Variants in CCDC171 observed in about 807,000 individuals in gnomAD.
The protein encoded by CCDC171 is coiled-coil domain containing 171.
Under a neutral mutation model 168.2 loss-of-function variants are expected in CCDC171, and 177 were observed. That is an observed-to-expected ratio of 1.05 (90% CI 0.93 to 1.19). The LOEUF is 1.19. Ranked by LOEUF, CCDC171 falls within the 50% of genes most tolerant of loss-of-function variation. CCDC171 has a pLI of 0.00. For synonymous variants in CCDC171, 687 were observed against 540.8 expected (o/e 1.27, Z -3.75); for missense variants, 1,991 against 1,539.0 (o/e 1.29, Z -4.91).
At chr9:16,033,713 C>G (rs1162665624) in intron 6 of CCDC171, among the ~76,000 whole-genome samples, 1 of 138,774 alleles carries the variant, frequency 7.2e-6, no homozygotes, top group Non-Finnish European at 1.6e-5. Flanking sequence ...TGTGGAAAAA[C>G]TGTCTTACAC....
At chr9:15,780,730 A>T (rs960470678) in intron 20 of CCDC171, among the ~76,000 whole-genome samples, 1 of 152,200 alleles carries the variant, frequency 6.6e-6, no homozygotes, top group Non-Finnish European at 1.5e-5. Flanking sequence ...ATATGTATAC[A>T]TGTATGCACT....
intron 18 of CCDC171, among the ~76,000 whole-genome samples, chr9:15,757,578 G>T (rs1350086647): frequency 6.6e-6 from 1 of 152,212 alleles, no homozygotes; most frequent in Non-Finnish European, 1.5e-5. Context: ...AAATTCAAGT[G>T]GGCTGCGGAA....
chr9:15,830,524 A>G (rs1039087031), intron 21 of CCDC171, among the ~76,000 whole-genome samples: 2 of 152,218 alleles, frequency 1.3e-5, no homozygotes, highest in Non-Finnish European at 2.9e-5. Context: ...TAATGATAGT[A>G]AAGTCCCTAA....
At chr9:15,799,755 C>T (rs2058730702) in intron 21 of CCDC171, among the ~76,000 whole-genome samples, 1 of 151,970 alleles carries the variant, frequency 6.6e-6, no homozygotes, top group Non-Finnish European at 1.5e-5. Flanking sequence ...ACCATCCCGA[C>T]CTTCCCACAC....
intron 7 of CCDC171, among the ~76,000 whole-genome samples, chr9:15,628,162 G>GAGATGCGC (rs1261383844): frequency 6.6e-6 from 1 of 152,142 alleles, no homozygotes; most frequent in Non-Finnish European, 1.5e-5. Flanking sequence ...ACTAGGGAGT[G>GAGATGCGC]CCAGACAGTG....
At chr9:15,852,488 T>TTA (rs2061171955) in intron 23 of CCDC171, among the ~76,000 whole-genome samples, 2 of 151,828 alleles carry the variant, frequency 1.3e-5, no homozygotes, top group East Asian at 3.9e-4. Flanking sequence ...TAGAATCTTA[T>TTA]TATATATATG....
intron 18 of CCDC171, among the ~76,000 whole-genome samples, chr9:15,771,839 T>G (rs1329271158): frequency 6.6e-6 from 1 of 152,050 alleles, no homozygotes; most frequent in East Asian, 1.9e-4. Flanking sequence ...GTAGCTTTTT[T>G]GGGGGGACGG....
At chr9:15,687,299 C>CA (rs939772110) in intron 10 of CCDC171, among the ~76,000 whole-genome samples, 7 of 151,378 alleles carry the variant, frequency 4.6e-5, no homozygotes, top group African/African-American at 7.3e-5. Flanking sequence ...CATCTATATT[C>CA]AAAAAAAATA....
the CCDC171 span, among the ~76,000 whole-genome samples, chr9:16,076,261 C>T: frequency 2.6e-5 from 4 of 152,186 alleles, no homozygotes; most frequent in Non-Finnish European, 5.9e-5. Flanking sequence ...TCAGAGGTTA[C>T]GTGGGCAAGT....
intron 11 of CCDC171, among the ~76,000 whole-genome samples, chr9:15,702,312 A>T (rs1245426073): frequency 6.6e-6 from 1 of 151,918 alleles, no homozygotes; most frequent in Non-Finnish European, 1.5e-5. Flanking sequence ...TGCTTTATCA[A>T]CTCTGCCTGT....
At chr9:16,051,639 A>G (rs1395537668) in intron 1 of CCDC171, among the ~76,000 whole-genome samples, 1 of 152,236 alleles carries the variant, frequency 6.6e-6, no homozygotes, top group Non-Finnish European at 1.5e-5. Flanking sequence ...GCTACCCAGC[A>G]TGAGTGCACC....
chr9:15,699,915 T>C (rs11791627), intron 11 of CCDC171, among the ~76,000 whole-genome samples: 74,263 of 151,214 alleles, frequency 0.49, 18,589 homozygotes, highest in East Asian at 0.77. Context: ...GGTGTATTTA[T>C]ATTCCCTGAG....
intron 24 of CCDC171, among the ~76,000 whole-genome samples, chr9:15,876,742 T>C (rs1817893180): frequency 1.3e-5 from 2 of 150,552 alleles, no homozygotes; most frequent in Admixed American, 1.3e-4. Flanking sequence ...AATTTCACCT[T>C]TTTTTTTGCA....
At chr9:16,058,500 C>A (rs985077376) in intron 1 of CCDC171, among the ~76,000 whole-genome samples, 1 of 152,180 alleles carries the variant, frequency 6.6e-6, no homozygotes, top group African/African-American at 2.4e-5. Flanking sequence ...CACACGGGGG[C>A]CTGTTCCTTT....
chr9:15,793,735 G>A (rs1306763901), intron 21 of CCDC171, among the ~76,000 whole-genome samples: 2 of 151,498 alleles, frequency 1.3e-5, no homozygotes, highest in Admixed American at 1.3e-4. Context: ...TTTTTATTAG[G>A]ACAGTGTTTC....
chr9:15,929,964 T>C (rs1456967358), intron 25 of CCDC171, among the ~76,000 whole-genome samples: 3 of 151,834 alleles, frequency 2.0e-5, no homozygotes, highest in Non-Finnish European at 4.4e-5. Context: ...AAGAGTTCCT[T>C]TGTTCTGATC....
At chr9:15,851,432 G>GT (rs2061122752) in intron 23 of CCDC171, among the ~76,000 whole-genome samples, 1 of 35,852 alleles carries the variant, frequency 2.8e-5, no homozygotes, top group Non-Finnish European at 5.5e-5. Context: ...ACACTCTTTT[G>GT]GGGGGGAATT....
intron 11 of CCDC171, among the ~76,000 whole-genome samples, 169 bp from the exon 12 acceptor site, chr9:15,721,600 A>T (rs2053478862): frequency 6.9e-6 from 1 of 145,848 alleles, no homozygotes; most frequent in Non-Finnish European, 1.5e-5. Context: ...GGAGAATAAA[A>T]TTCTATTCAA....
rs552169935 is a variant in CCDC171 at position 15,907,933 on chromosome 9, T to C, written c.3601-12337T>C. ...TCATCATCACTGGCCATCAGAGAAA[T>C]GCAAATCAAAACCACAATGAGATAC... On this transcript the variant is annotated intron_variant, in intron 24 of 25. Coordinates refer to ENST00000380701, the MANE Select transcript of CCDC171 (RefSeq NM_173550.4). Among the ~76,000 whole-genome samples the C allele has an allele frequency of 5.6e-3, 849 of 152,122 alleles. 5 individuals are homozygous for C. The highest frequency in any genetic ancestry group is 8.5e-3 in the Non-Finnish European group (581 of 67,984).
Sources: allele counts gnomAD v4.1 joint callset (sites outside exome capture counted in the v4.1 genomes callset), GRCh38; gene constraint gnomAD v4.1.1; transcripts MANE v1.5; gene names NCBI Gene and HGNC (gene_info 2026-07-23, HGNC 2026-07-21).